TFB1M: variants seen among roughly 807,000 people sequenced by gnomAD.
The protein encoded by TFB1M is dimethyladenosine transferase 1, mitochondrial.
Under a neutral mutation model 31.1 loss-of-function variants are expected in TFB1M, and 27 were observed. That is an observed-to-expected ratio of 0.87 (90% CI 0.64 to 1.20). TFB1M has a LOEUF of 1.20. TFB1M is among the 50% of genes most tolerant of loss of function. TFB1M has a pLI of 0.00. For missense variants in TFB1M, 394 were observed against 418.7 expected (o/e 0.94, Z 0.51); for synonymous variants, 166 against 151.8 (o/e 1.09, Z -0.69).
At position 155,296,908 on chromosome 6, in the gene TFB1M, G is replaced by C. The variant is rs376475967; in HGVS notation, c.546+45C>G. 1.9e-6 allele frequency: 3 copies of C among 1,567,138 alleles called. No homozygotes were observed. The African/African-American group carries it at 4.1e-5, about 21-fold the overall frequency. On this transcript the variant is annotated intron_variant, in intron 4 of 6. Transcript: ENST00000367166. ...AATGCAGTATTATTATTTTGCTTTG[G>C]AATTTGAACATGTGATAAAATAGTC...
intron 5 of TFB1M, among the ~76,000 whole-genome samples, chr6:155,283,351 CT>C (rs1470572157): frequency 6.6e-6 from 1 of 152,042 alleles, no homozygotes; most frequent in Non-Finnish European, 1.5e-5. Flanking sequence ...AATAAATCCC[CT>C]GTATGTAATA....
At chr6:155,248,254 G>A in the TFB1M span, 1 of 1,501,190 alleles carries the variant, frequency 6.7e-7, no homozygotes, top group Non-Finnish European at 8.9e-7. Context: ...CCCTGGGCCT[G>A]ACAGCTCACC....
At chr6:155,287,019 A>G (rs900963769) in intron 4 of TFB1M, among the ~76,000 whole-genome samples, 2 of 152,186 alleles carry the variant, frequency 1.3e-5, no homozygotes, top group African/African-American at 4.8e-5. Flanking sequence ...GAGAAATCCA[A>G]ATAAACCATA....
intron 4 of TFB1M, among the ~76,000 whole-genome samples, chr6:155,287,181 T>A (rs1162986029): frequency 1.3e-5 from 2 of 152,100 alleles, no homozygotes; most frequent in Non-Finnish European, 2.9e-5. Flanking sequence ...TTTCAGATAC[T>A]GCTAGTGAGA....
intron 5 of TFB1M, among the ~76,000 whole-genome samples, chr6:155,272,787 A>C (rs1236917416): frequency 6.6e-6 from 1 of 152,224 alleles, no homozygotes; most frequent in African/African-American, 2.4e-5. Context: ...ATGACACGTC[A>C]TATTGTTTAC....
chr6:155,263,081 G>A (rs757887475), intron 5 of TFB1M, among the ~76,000 whole-genome samples: 13 of 152,032 alleles, frequency 8.6e-5, no homozygotes, highest in Non-Finnish European at 1.8e-4. Context: ...CTTCTGGGAC[G>A]GCCAGGACCT....
intron 2 of TFB1M, 169 bp downstream of exon 2, chr6:155,311,019 T>C: frequency 2.7e-6 from 2 of 729,842 alleles, no homozygotes; most frequent in Non-Finnish European, 4.6e-6. Flanking sequence ...AAATGGAGAT[T>C]TCCAGATTTC....
At chr6:155,283,150 C>A (rs1445600389) in intron 5 of TFB1M, among the ~76,000 whole-genome samples, 1 of 152,044 alleles carries the variant, frequency 6.6e-6, no homozygotes, top group Non-Finnish European at 1.5e-5. Flanking sequence ...GCAGAGAATT[C>A]TTTTAGAACT....
chr6:155,274,989 T>G (rs1238586285), intron 5 of TFB1M, among the ~76,000 whole-genome samples: 1 of 151,674 alleles, frequency 6.6e-6, no homozygotes, highest in Non-Finnish European at 1.5e-5. Flanking sequence ...GAGGCCGAGG[T>G]GGGCGGATCA....
At chr6:155,310,975 TG>T (rs1777991089) in intron 2 of TFB1M, 3 of 583,194 alleles carry the variant, frequency 5.1e-6, no homozygotes, top group Non-Finnish European at 9.1e-6. Flanking sequence ...TTTTTCAAGG[TG>T]TAGTCAATAG....
At chr6:155,278,445 G>A (rs146510208) in intron 5 of TFB1M, among the ~76,000 whole-genome samples, 1 of 152,344 alleles carries the variant, frequency 6.6e-6, no homozygotes, top group Non-Finnish European at 1.5e-5. Flanking sequence ...TTACATGATT[G>A]CATCTCCAAC....
In TFB1M at chr6:155,266,500, A is replaced by AG. The variant is rs1022640226; in HGVS notation, c.667-6101dup. ...GAGTCCCTGCTGGATACAGCTCACC[A>AG]GGGGGGATGAAAAGCCAGATACAAA... On this transcript the variant is annotated intron_variant, in intron 5 of 6. Transcript: ENST00000367166. Among the ~76,000 whole-genome samples, 5 of 152,262 alleles carry AG rather than the reference A, an allele frequency of 3.3e-5. No individual in the cohort carries two copies. The South Asian group carries it at 8.3e-4, about 25-fold the overall frequency.
chr6:155,257,701 T>C lies in TFB1M; in HGVS notation c.*135A>G, dbSNP rs1784159506. Reference sequence around the variant, plus strand: ...TATTTATTTTCTCTGCCAAGCTGTATAGTAAAAGGAAAATAAGTCACATCT... The same window carrying C: ...TATTTATTTTCTCTGCCAAGCTGTACAGTAAAAGGAAAATAAGTCACATCT... On this transcript the variant is annotated 3_prime_UTR_variant, in exon 7 of 7. Coordinates refer to ENST00000367166, the MANE Select transcript of TFB1M (RefSeq NM_016020.4). 5 of 1,015,274 alleles carry C rather than the reference T, an allele frequency of 4.9e-6. No individual in the cohort carries two copies. The highest frequency in any genetic ancestry group is 4.4e-6 in the Non-Finnish European group (3 of 676,630). 62.9% of individuals were successfully genotyped at this position (1,015,274 alleles called of 1,614,324 possible). A position where few individuals can be genotyped will look rare whatever the true frequency, so the allele number is the denominator to read the frequency against.
intron 5 of TFB1M, among the ~76,000 whole-genome samples, chr6:155,262,376 C>T (rs1030347424): frequency 1.3e-5 from 2 of 152,118 alleles, no homozygotes; most frequent in Admixed American, 6.5e-5. Flanking sequence ...GTGGTCCCAA[C>T]TGTCAGGCAT....
At chr6:155,263,479 C>T (rs1488783813) in intron 5 of TFB1M, among the ~76,000 whole-genome samples, 5 of 152,100 alleles carry the variant, frequency 3.3e-5, no homozygotes, top group Admixed American at 6.6e-5. Context: ...TATACGTCAA[C>T]GCTGTAACAA....
At position 155,299,203 on chromosome 6, in the gene TFB1M, TAAC is replaced by T. The variant is rs903351779; in HGVS notation, c.286-621_286-619del. Among the ~76,000 whole-genome samples the T allele has an allele frequency of 1.9e-4, 29 of 152,300 alleles. 1 individual carries two copies. The highest frequency in any genetic ancestry group is 6.5e-4 in the African/African-American group (27 of 41,570). ...GACCTAATGAATTACCCTGGATGTT[TAAC>T]AATAGCTACTTCCCAACCTATTTCC... On this transcript the variant is annotated intron_variant, in intron 2 of 6. Transcript: ENST00000367166.
At chr6:155,301,073 G>C (rs963334694) in intron 2 of TFB1M, among the ~76,000 whole-genome samples, 3 of 152,184 alleles carry the variant, frequency 2.0e-5, no homozygotes, top group Non-Finnish European at 4.4e-5. Flanking sequence ...CCAAAGTGCT[G>C]GGATTACAGG....
chr6:155,308,237 G>T (rs1400537592), intron 2 of TFB1M, among the ~76,000 whole-genome samples: 3 of 152,116 alleles, frequency 2.0e-5, no homozygotes, highest in African/African-American at 7.2e-5. Context: ...GAAACCCTAG[G>T]TGTCCAATGC....
chr6:155,267,306 A>T (rs1784700135), intron 5 of TFB1M, among the ~76,000 whole-genome samples: 1 of 152,220 alleles, frequency 6.6e-6, no homozygotes, highest in Admixed American at 6.5e-5. Flanking sequence ...TGAAAGGGTC[A>T]GCTGAGGCAG....
Sources: allele counts gnomAD v4.1 joint callset (sites outside exome capture counted in the v4.1 genomes callset), GRCh38; gene constraint gnomAD v4.1.1; transcripts MANE v1.5; gene names NCBI Gene and HGNC (gene_info 2026-07-23, HGNC 2026-07-21).